The following RIMS2 variants were observed in gnomAD, a reference collection of about 807,000 sequenced individuals.
RIMS2 encodes the protein regulating synaptic membrane exocytosis protein 2.
Under a neutral mutation model 174.4 loss-of-function variants are expected in RIMS2, and 59 were observed. That is an observed-to-expected ratio of 0.34 (90% CI 0.27 to 0.42). The LOEUF (loss-of-function observed/expected upper bound fraction) is 0.42, where lower values mean the gene tolerates loss of function less well. RIMS2 is among the 10% of genes least tolerant of loss of function. The pLI, the probability that RIMS2 is intolerant of heterozygous loss-of-function variation, is 1.00. For synonymous variants in RIMS2, 606 were observed against 572.5 expected (o/e 1.06, Z -0.84); for missense variants, 1,620 against 1,666.3 (o/e 0.97, Z 0.48).
chr8:104,014,260 T>C (rs1473324949), intron 18 of RIMS2, among the ~76,000 whole-genome samples: 1 of 152,112 alleles, frequency 6.6e-6, no homozygotes, highest in Non-Finnish European at 1.5e-5. Flanking sequence ...CATTAATAAT[T>C]CCATGGATGT....
At chr8:103,666,992 T>G (rs930451498) in intron 1 of RIMS2, among the ~76,000 whole-genome samples, 1 of 152,194 alleles carries the variant, frequency 6.6e-6, no homozygotes, top group African/African-American at 2.4e-5. Flanking sequence ...TTAAAACTTT[T>G]GAGAGAATAC....
At chr8:103,563,223 A>G (rs1017321815) in intron 1 of RIMS2, among the ~76,000 whole-genome samples, 1 of 152,220 alleles carries the variant, frequency 6.6e-6, no homozygotes, top group Non-Finnish European at 1.5e-5. Context: ...TTTCTTTTCT[A>G]TCACATTATC....
intron 16 of RIMS2, among the ~76,000 whole-genome samples, chr8:103,985,953 G>A (rs1240985931): frequency 6.6e-6 from 1 of 152,164 alleles, no homozygotes; most frequent in Admixed American, 6.5e-5. Flanking sequence ...CTGGTGGGGT[G>A]AGAAGATTGG....
chr8:103,620,552 T>C (rs796943394), intron 1 of RIMS2, among the ~76,000 whole-genome samples: 22 of 152,264 alleles, frequency 1.4e-4, no homozygotes, highest in African/African-American at 4.8e-4. Flanking sequence ...AACCGATTAA[T>C]GTAAACAGCT....
chr8:103,538,379 T>A (rs1257798771), intron 1 of RIMS2, among the ~76,000 whole-genome samples: 1 of 152,198 alleles, frequency 6.6e-6, no homozygotes, highest in Admixed American at 6.5e-5. Flanking sequence ...GGTATTTGGT[T>A]ACATGAGTAA....
At chr8:104,161,557 A>G (rs1260099165) in intron 19 of RIMS2, among the ~76,000 whole-genome samples, 1 of 152,212 alleles carries the variant, frequency 6.6e-6, no homozygotes, top group Non-Finnish European at 1.5e-5. Context: ...AAGACTAGAG[A>G]TCAAGAATAA....
chr8:104,140,494 A>G (rs1292297131), intron 19 of RIMS2, among the ~76,000 whole-genome samples: 1 of 152,108 alleles, frequency 6.6e-6, no homozygotes, highest in Non-Finnish European at 1.5e-5. Flanking sequence ...GTTCTTATTG[A>G]CCACAGGGCC....
At chr8:104,171,032 G>C (rs1363477576) in intron 19 of RIMS2, among the ~76,000 whole-genome samples, 2 of 152,108 alleles carry the variant, frequency 1.3e-5, no homozygotes, top group African/African-American at 4.8e-5. Context: ...CTGTTAGTCT[G>C]ATAGGTTTTC....
chr8:103,577,243 C>G (rs529313262), intron 1 of RIMS2, among the ~76,000 whole-genome samples: 137 of 152,162 alleles, frequency 9.0e-4, no homozygotes, highest in African/African-American at 3.2e-3. Context: ...AACAAACAAC[C>G]CCATCAAAAA....
At chr8:103,776,964 C>G (rs1432509953) in intron 3 of RIMS2, among the ~76,000 whole-genome samples, 2 of 152,044 alleles carry the variant, frequency 1.3e-5, no homozygotes, top group Non-Finnish European at 2.9e-5. Context: ...AAGAACTTTA[C>G]TATATTAGTA....
At chr8:103,854,841 T>C (rs1254845043) in intron 3 of RIMS2, among the ~76,000 whole-genome samples, 1 of 152,062 alleles carries the variant, frequency 6.6e-6, no homozygotes, top group Non-Finnish European at 1.5e-5. Context: ...TCGTGGTATA[T>C]ATGTCAGATT....
rs1299702765 is a variant in RIMS2 at position 103,856,335 on chromosome 8, G to T, written c.699-28963G>T. On this transcript the variant is annotated intron_variant, in intron 3 of 23. Transcript: ENST00000504942. The stretch of plus-strand genomic sequence containing the variant: ...GCTGGGTCTCTTGAAGCCAGAGATG[G>T]TTGGAGCTTGTCTTTTTATCCAACT... 2.0e-5 allele frequency among the ~76,000 whole-genome samples: 3 copies of T among 152,226 alleles called. No individual in the cohort carries two copies. The East Asian group carries it at 5.8e-4, about 29-fold the overall frequency.
chr8:104,212,633 TAAC>T (rs2099110468), intron 19 of RIMS2, among the ~76,000 whole-genome samples: 1 of 152,200 alleles, frequency 6.6e-6, no homozygotes, highest in African/African-American at 2.4e-5. Flanking sequence ...TGTTCATTCT[TAAC>T]TAAAACTAAA....
At chr8:103,898,708 C>G (rs2099308339) in intron 4 of RIMS2, among the ~76,000 whole-genome samples, 1 of 150,990 alleles carries the variant, frequency 6.6e-6, no homozygotes, top group Non-Finnish European at 1.5e-5. Context: ...TATGGTAGTT[C>G]TTTTTGTTTG....
intron 1 of RIMS2, among the ~76,000 whole-genome samples, chr8:103,594,942 T>G (rs901426860): frequency 6.6e-6 from 1 of 151,800 alleles, no homozygotes; most frequent in South Asian, 2.1e-4. Context: ...AGCTCATGAT[T>G]ATTCATTCTG....
chr8:103,642,530 A>G (rs928031436), intron 1 of RIMS2, among the ~76,000 whole-genome samples: 2 of 152,076 alleles, frequency 1.3e-5, no homozygotes, highest in Non-Finnish European at 2.9e-5. Context: ...TTAAATGTAC[A>G]TCAGAATTTC....
At chr8:103,981,177 G>A (rs2093874725) in intron 16 of RIMS2, among the ~76,000 whole-genome samples, 1 of 152,166 alleles carries the variant, frequency 6.6e-6, no homozygotes, top group Non-Finnish European at 1.5e-5. Context: ...AACCAGCGGT[G>A]GTAGCCACAG....
At chr8:103,981,207 AC>A (rs1181558550) in intron 16 of RIMS2, among the ~76,000 whole-genome samples, 9 of 152,058 alleles carry the variant, frequency 5.9e-5, no homozygotes, top group Non-Finnish European at 1.0e-4. Context: ...CATCACCACA[AC>A]CCCAGTTCCA....
At chr8:104,178,812 A>T (rs535013216) in intron 19 of RIMS2, among the ~76,000 whole-genome samples, 85 of 152,264 alleles carry the variant, frequency 5.6e-4, no homozygotes, top group African/African-American at 1.9e-3. Context: ...CCAATCATGC[A>T]TACTTAAAAC....
Sources: gnomAD v4.1 joint callset for allele counts (sites outside exome capture counted in the v4.1 genomes callset) on GRCh38, gnomAD v4.1.1 for gene constraint, MANE v1.5 for transcripts, NCBI Gene and HGNC (gene_info 2026-07-23, HGNC 2026-07-21) for gene names.